Variants in TLK1 observed in about 807,000 individuals in gnomAD.
TLK1 encodes the protein serine/threonine-protein kinase tousled-like 1.
In TLK1, 24 loss-of-function variants were observed where a neutral mutation model predicts 105.3. The ratio of observed to expected loss-of-function variants is 0.23; its 90% confidence interval spans 0.17 to 0.32. The LOEUF (loss-of-function observed/expected upper bound fraction) is 0.32, where lower values mean the gene tolerates loss of function less well. Ranked by LOEUF, TLK1 falls within the 10% of genes least tolerant of loss-of-function variation. The pLI is 1.00. For missense variants in TLK1, 558 were observed against 910.5 expected (o/e 0.61, Z 4.98); for synonymous variants, 321 against 310.4 (o/e 1.03, Z -0.36).
chr2:171,060,208 C>A (rs906211335), intron 4 of TLK1, among the ~76,000 whole-genome samples: 2 of 152,202 alleles, frequency 1.3e-5, no homozygotes. Context: ...AATCCAGAAG[C>A]CTCATCTTAT....
chr2:171,028,331 T>A lies in TLK1; in HGVS notation c.1236+8A>T, dbSNP rs758301026. ...TTGAACTAAAAATGCAGCATATGTT[T>A]CACATACCTTTTTGAGATGTCCTAG... On this transcript the variant is annotated splice_region_variant and intron_variant, in intron 12 of 20. Coordinates refer to ENST00000431350, the MANE Select transcript of TLK1 (RefSeq NM_012290.5). 1.9e-6 allele frequency: 3 copies of A among 1,595,048 alleles called. No homozygotes were observed. In the Admixed American group the frequency reaches 5.0e-5, roughly 27 times the overall value.
chr2:171,153,746 T>C (rs1259468013), intron 1 of TLK1: 6 of 152,230 alleles, frequency 3.9e-5, no homozygotes, highest in Admixed American at 3.9e-4. Flanking sequence ...AACAATCACC[T>C]ACTTACTTCA....
chr2:171,215,157 T>C (rs1693690266), intron 1 of TLK1, among the ~76,000 whole-genome samples: 1 of 152,120 alleles, frequency 6.6e-6, no homozygotes, highest in African/African-American at 2.4e-5. Flanking sequence ...CCCAGGCTAG[T>C]CTCAAATGCC....
rs1692440563 is a variant in TLK1 at position 171,160,467 on chromosome 2, G to A, written c.-39C>T. On this transcript the variant is annotated 5_prime_UTR_variant, in exon 1 of 21. Coordinates refer to ENST00000431350, the MANE Select transcript of TLK1 (RefSeq NM_012290.5). The surrounding 1 kb of genome is among the most constrained non-coding windows in gnomAD (Gnocchi z 4.4). ...GGGAACCCGACTCCCCCCCTGCGAC[G>A]GCAGCGGCGGCAACGGCACCGGCAC... The A allele has an allele frequency of 1.3e-6, 2 of 1,574,190 alleles. No homozygotes were observed. Among genetic ancestry groups the A allele is most frequent in the Admixed American group, 1.9e-5 (1 of 53,568 alleles).
At chr2:171,138,404 C>T (rs1691430015) in intron 1 of TLK1, among the ~76,000 whole-genome samples, 1 of 152,204 alleles carries the variant, frequency 6.6e-6, no homozygotes, top group Non-Finnish European at 1.5e-5. Flanking sequence ...CCAAGGTATA[C>T]TTATCTAAAA....
chr2:171,152,402 A>ATCTGC (rs1370038227), intron 1 of TLK1, among the ~76,000 whole-genome samples: 2 of 152,200 alleles, frequency 1.3e-5, no homozygotes, highest in African/African-American at 4.8e-5. Context: ...TACCACCTGG[A>ATCTGC]TCTGCTCTGC....
Position 171,013,318 on chromosome 2 carries a change from C to CTTTTTTTTT in TLK1, c.1334+1524_1334+1532dup, listed in dbSNP as rs774923512. On this transcript the variant is annotated intron_variant, in intron 13 of 20. Transcript: ENST00000431350. Reference sequence around the variant, plus strand: ...ATGAGCTACCACACCTGGCCCCTCACTTTTTTTTTTTTTTTTTTTTTTTTT... The same window carrying CTTTTTTTTT: ...ATGAGCTACCACACCTGGCCCCTCACTTTTTTTTTTTTTTTTTTTTTTTTTTTTTTTTTT... Among the ~76,000 whole-genome samples the CTTTTTTTTT allele has an allele frequency of 5.1e-4, 38 of 74,150 alleles. 4 individuals are homozygous for CTTTTTTTTT. Among genetic ancestry groups the CTTTTTTTTT allele is most frequent in the African/African-American group, 2.1e-3 (38 of 18,250 alleles). 48.6% of individuals were successfully genotyped at this position (74,150 alleles called of 152,430 possible).
chr2:171,132,671 G>A (rs777085635), intron 1 of TLK1, among the ~76,000 whole-genome samples: 3 of 152,110 alleles, frequency 2.0e-5, no homozygotes, highest in Admixed American at 2.0e-4. Flanking sequence ...TATGGCTTCC[G>A]AGTTCAAGAT....
At chr2:171,101,509 T>C (rs1383334418) in intron 2 of TLK1, among the ~76,000 whole-genome samples, 3 of 152,312 alleles carry the variant, frequency 2.0e-5, no homozygotes, top group Admixed American at 2.0e-4. Flanking sequence ...CTGCTAATGT[T>C]TGTGTGTTTC....
At chr2:171,223,030 A>C (rs982428067) in intron 1 of TLK1, among the ~76,000 whole-genome samples, 2 of 151,930 alleles carry the variant, frequency 1.3e-5, no homozygotes, top group Non-Finnish European at 2.9e-5. Flanking sequence ...AGCCAGGCTC[A>C]TTTCGAACTC....
At chr2:171,219,287 G>A (rs1032407993) in intron 1 of TLK1, among the ~76,000 whole-genome samples, 20 of 152,274 alleles carry the variant, frequency 1.3e-4, no homozygotes, top group African/African-American at 3.6e-4. Context: ...GGAGGCTGCT[G>A]GCATTCCTTG....
At chr2:171,034,247 C>T (rs1198660439) in intron 11 of TLK1, among the ~76,000 whole-genome samples, 2 of 152,054 alleles carry the variant, frequency 1.3e-5, no homozygotes, top group African/African-American at 4.8e-5. Flanking sequence ...ATACTCAGTA[C>T]TAGACAGATA....
intron 13 of TLK1, among the ~76,000 whole-genome samples, chr2:171,014,273 C>T (rs1234432906): frequency 6.6e-6 from 1 of 151,678 alleles, no homozygotes; most frequent in Non-Finnish European, 1.5e-5. Context: ...CAAATAATAA[C>T]TAAAAAATAA....
intron 2 of TLK1, among the ~76,000 whole-genome samples, chr2:171,089,368 A>G (rs899170630): frequency 6.6e-6 from 1 of 152,224 alleles, no homozygotes; most frequent in Admixed American, 6.5e-5. Context: ...TAATGAAGAC[A>G]GTCTATTCAT....
chr2:171,187,057 C>CAAAA (rs71013019), intron 1 of TLK1, among the ~76,000 whole-genome samples: 7 of 34,054 alleles, frequency 2.1e-4, no homozygotes, highest in African/African-American at 5.4e-4. Flanking sequence ...GACTCTGTCT[C>CAAAA]AAAAAAAAAA....
chr2:171,076,261 T>G (rs1688501070), intron 3 of TLK1, among the ~76,000 whole-genome samples: 1 of 151,694 alleles, frequency 6.6e-6, no homozygotes, highest in Non-Finnish European at 1.5e-5. Flanking sequence ...CATGAATGGA[T>G]TAATGCCATT....
intron 2 of TLK1, among the ~76,000 whole-genome samples, chr2:171,114,080 G>A (rs913801228): frequency 6.6e-6 from 1 of 151,942 alleles, no homozygotes; most frequent in South Asian, 2.1e-4. Flanking sequence ...AATATATTAT[G>A]GAATCTTACA....
chr2:171,013,712 T>A (rs1472516140), intron 13 of TLK1, among the ~76,000 whole-genome samples: 1 of 152,174 alleles, frequency 6.6e-6, no homozygotes, highest in Admixed American at 6.5e-5. Flanking sequence ...TACATAGACA[T>A]CACAAGAAGA....
At chr2:171,087,525 G>A (rs145986900) in intron 2 of TLK1, among the ~76,000 whole-genome samples, 1,709 of 152,130 alleles carry the variant, frequency 0.011, 73 homozygotes, top group Admixed American at 0.074. Context: ...GTCATAAAAT[G>A]AGAAAAATAT....
Sources: allele counts gnomAD v4.1 joint callset (sites outside exome capture counted in the v4.1 genomes callset), GRCh38; gene constraint gnomAD v4.1.1; non-coding constraint Gnocchi (gnomAD v3.1); transcripts MANE v1.5; gene names NCBI Gene and HGNC (gene_info 2026-07-23, HGNC 2026-07-21).